The following CCDC50 variants were observed in gnomAD, a reference collection of about 807,000 sequenced individuals.
CCDC50 encodes the protein coiled-coil domain containing 50, also known as coiled-coil domain-containing protein 50.
CCDC50 carries 54 observed loss-of-function variants against 70.2 expected under a neutral mutation model. That is an observed-to-expected ratio of 0.77 (90% confidence interval 0.62 to 0.96). The LOEUF (loss-of-function observed/expected upper bound fraction) is 0.96. Among genes scored for constraint, CCDC50 ranks in the 50% least tolerant of loss-of-function variants. CCDC50 has a pLI of 0.00. For missense variants in CCDC50, 558 were observed against 578.7 expected, an observed-to-expected ratio of 0.96 and a Z score of 0.37; for synonymous variants, 216 against 198.8, an observed-to-expected ratio of 1.09 and a Z score of -0.73.
At chr3:191,355,536 A>G (rs879691638) in intron 1 of CCDC50, among the ~76,000 whole-genome samples, 3 of 151,940 alleles carry the variant, frequency 2.0e-5, no homozygotes, top group Admixed American at 2.0e-4. Flanking sequence ...TTAGATGTTG[A>G]CCCCCAAGCC....
At position 191,391,888 on chromosome 3, in the gene CCDC50, C is replaced by G; in HGVS notation, c.*128C>G. 1.2e-6 allele frequency: 1 copy of G among 814,384 alleles called. No homozygotes were observed. Among genetic ancestry groups the G allele is most frequent in the Admixed American group, 2.5e-5 (1 of 40,748 alleles). 50.4% of individuals were successfully genotyped at this position (814,384 alleles called of 1,614,324 possible). A position where few individuals can be genotyped will look rare whatever the true frequency, so the allele number is the denominator to read the frequency against. On this transcript the variant is annotated 3_prime_UTR_variant, in exon 12 of 12. Transcript: ENST00000392455. ...CTGGGATTTATCCTCAAGTGCATTT[C>G]TGACCATAAGTAATTTTAATTCATT...
chr3:191,364,130 G>T (rs139547895), intron 4 of CCDC50, among the ~76,000 whole-genome samples: 2 of 150,980 alleles, frequency 1.3e-5, no homozygotes, highest in African/African-American at 2.4e-5. Flanking sequence ...GTATAGTGGC[G>T]CAATCTTCGC....
In CCDC50 at chr3:191,331,508, A is replaced by G. The variant is rs199932604; in HGVS notation, c.49+1785A>G. ...ATTTTGCGTAATACGGTGTTTGGCA[A>G]TCTCTTTTATGTAATCTGGTAAATT... On this transcript the variant is annotated intron_variant, in intron 1 of 11. Coordinates refer to ENST00000392455, the MANE Select transcript of CCDC50 (RefSeq NM_178335.3). 1.2e-4 allele frequency among the ~76,000 whole-genome samples: 19 copies of G among 152,310 alleles called. No individual in the cohort carries two copies. The East Asian group carries it at 2.3e-3, about 19-fold the overall frequency.
intron 1 of CCDC50, among the ~76,000 whole-genome samples, chr3:191,356,849 C>G (rs1043710803): frequency 6.6e-6 from 1 of 152,152 alleles, no homozygotes; most frequent in Admixed American, 6.5e-5. Context: ...GGCCAGGGGC[C>G]AAGGCTAACC....
At chr3:191,353,621 C>CTA (rs1712175942) in intron 1 of CCDC50, among the ~76,000 whole-genome samples, 1 of 141,552 alleles carries the variant, frequency 7.1e-6, no homozygotes, top group African/African-American at 2.5e-5. Context: ...ACAAAGTTGA[C>CTA]TGAATATGTG....
chr3:191,389,836 C>T (rs748479720), intron 11 of CCDC50, among the ~76,000 whole-genome samples: 7 of 149,482 alleles, frequency 4.7e-5, no homozygotes, highest in Admixed American at 3.4e-4. Flanking sequence ...GGGAGCACAA[C>T]GCTTTCATCA....
rs767120175 is a variant in CCDC50 at position 191,380,214 on chromosome 3, C to T, written c.1032C>T (p.His344=). 1.9e-6 allele frequency: 3 copies of T among 1,611,878 alleles called. No homozygotes were observed. Among genetic ancestry groups the T allele is most frequent in the African/African-American group, 1.3e-5 (1 of 74,484 alleles). ...EAVSTPSRMA[H]RDQEWYDAEI... ...TATCTACTCCATCACGAATGGCCCA[C>T]AGGGATCAGGAATGGTATGATGCTG... The change falls in exon 7 of 12, where the codon CAC becomes CAT. Residue 344 remains histidine (H), a synonymous_variant. Transcript: ENST00000392455.
rs1205131541 is a variant in CCDC50 at position 191,329,730 on chromosome 3, GC to G, written c.49+11del. 6.2e-7 allele frequency: 1 copy of G among 1,608,716 alleles called. No homozygotes were observed. Among genetic ancestry groups the G allele is most frequent in the Non-Finnish European group, 8.5e-7 (1 of 1,178,146 alleles). On this transcript the variant is annotated splice_region_variant and intron_variant, in intron 1 of 11. Transcript: ENST00000392455. ...CTGCCTGGAGTCAAGGAAGGTAAGG[GC>G]CCCGGAGGGAGAGCGCGCGGGACCC...
Position 191,380,891 on chromosome 3 carries a change from A to G in CCDC50, c.1201A>G (p.Lys401Glu). 1.2e-6 allele frequency: 2 copies of G among 1,612,958 alleles called. No individual in the cohort carries two copies. The highest frequency in any genetic ancestry group is 1.7e-6 in the Non-Finnish European group (2 of 1,179,248). ...KAYKKAKEREKSSLDKRKQDP... is the reference protein window; with the variant it reads ...KAYKKAKEREESSLDKRKQDP... ...TTACAAAAAAGCCAAGGAGCGGGAG[A>G]AATCATCTTTGGACAAAAGAAAGCA... The change falls in exon 9 of 12, where the codon AAA becomes GAA. Residue 401 changes from lysine (K) to glutamate (E), a missense_variant. Transcript: ENST00000392455.
intron 1 of CCDC50, among the ~76,000 whole-genome samples, chr3:191,355,554 C>T (rs184812349): frequency 1.2e-4 from 19 of 152,298 alleles, no homozygotes; most frequent in East Asian, 7.7e-4. Context: ...GCCCTGTCAC[C>T]AGTGAACTCT....
Position 191,393,245 on chromosome 3 carries a change from C to A in CCDC50, c.*1485C>A, listed in dbSNP as rs1334334178. On this transcript the variant is annotated 3_prime_UTR_variant, in exon 12 of 12. Coordinates refer to ENST00000392455, the MANE Select transcript of CCDC50 (RefSeq NM_178335.3). ...TGTTCTCCCTCTCTCTGTCTCCCCC[C>A]CATGTACACATATATATATCCCTTC... The A allele has an allele frequency of 6.6e-6, 1 of 152,118 alleles. No individual in the cohort carries two copies. Among genetic ancestry groups the A allele is most frequent in the African/African-American group, 2.4e-5 (1 of 41,418 alleles). The allele number at this position is 152,118 out of a possible 1,614,324, so 9.4% of individuals were successfully genotyped here.
chr3:191,355,903 C>T (rs1365746048), intron 1 of CCDC50, among the ~76,000 whole-genome samples: 1 of 152,146 alleles, frequency 6.6e-6, no homozygotes, highest in East Asian at 1.9e-4. Flanking sequence ...CTTTTTGTGG[C>T]ATTATCCCTC....
At chr3:191,367,459 G>T (rs1424239001) in intron 4 of CCDC50, among the ~76,000 whole-genome samples, 1 of 151,946 alleles carries the variant, frequency 6.6e-6, no homozygotes, top group Non-Finnish European at 1.5e-5. Context: ...TCTTTTCTCC[G>T]AATGTTAAAA....
intron 11 of CCDC50, among the ~76,000 whole-genome samples, chr3:191,390,351 C>T (rs956078172): frequency 1.0e-4 from 3 of 29,784 alleles, no homozygotes; most frequent in Admixed American, 7.0e-4. Context: ...CTCAATTGGA[C>T]GAAACCTTTA....
intron 5 of CCDC50, among the ~76,000 whole-genome samples, chr3:191,370,450 T>C (rs764840789): frequency 8.2e-5 from 12 of 145,644 alleles, no homozygotes; most frequent in Non-Finnish European, 1.3e-4. Flanking sequence ...CACCTGTGAG[T>C]GAGAACATGC....
chr3:191,395,227 G>C lies in CCDC50; in HGVS notation c.*3467G>C, dbSNP rs927628411. ...TCTAATGTGTCCTGAAGCTGAGCTAGATGATGAGTAAATTCTTTGCTGACT... is the reference window on the plus strand; with the variant it reads ...TCTAATGTGTCCTGAAGCTGAGCTACATGATGAGTAAATTCTTTGCTGACT... On this transcript the variant is annotated 3_prime_UTR_variant, in exon 12 of 12. Transcript: ENST00000392455. 6.6e-6 allele frequency: 1 copy of C among 152,126 alleles called. No individual in the cohort carries two copies. The highest frequency in any genetic ancestry group is 2.4e-5 in the African/African-American group (1 of 41,432). 9.4% of individuals were successfully genotyped at this position (152,126 alleles called of 1,614,324 possible). A position where few individuals can be genotyped will look rare whatever the true frequency, so the allele number is the denominator to read the frequency against.
intron 5 of CCDC50, among the ~76,000 whole-genome samples, chr3:191,373,499 G>A (rs1331798165): frequency 6.6e-6 from 1 of 152,080 alleles, no homozygotes; most frequent in Non-Finnish European, 1.5e-5. Flanking sequence ...CTTCACTTGT[G>A]CAACTCTGAG....
intron 11 of CCDC50, 115 bp from the exon 12 acceptor site, chr3:191,391,626 A>G (rs533769889): frequency 1.1e-6 from 1 of 885,480 alleles, no homozygotes; most frequent in East Asian, 2.6e-5. Context: ...TCAAGAATAA[A>G]GTACTATTAG....
intron 4 of CCDC50, among the ~76,000 whole-genome samples, chr3:191,366,757 T>A (rs1712705338): frequency 6.6e-6 from 1 of 151,876 alleles, no homozygotes; most frequent in Non-Finnish European, 1.5e-5. Flanking sequence ...TATTGAAAGG[T>A]GTGTTTTTTT....
Sources: allele counts gnomAD v4.1 joint callset (sites outside exome capture counted in the v4.1 genomes callset), GRCh38; gene constraint gnomAD v4.1.1; transcripts MANE v1.5; gene names NCBI Gene and HGNC (gene_info 2026-07-23, HGNC 2026-07-21).